Variants in ZNF475 observed in about 807,000 individuals in gnomAD.
ZNF475 encodes the protein zinc finger protein 475.
chr5:122,164,271 G>A, the ZNF475 span, among the ~76,000 whole-genome samples: 1 of 152,208 alleles, frequency 6.6e-6, no homozygotes, highest in South Asian at 2.1e-4. Flanking sequence ...GCAACAGGGA[G>A]TGGTAGAGCT....
the ZNF475 span, among the ~76,000 whole-genome samples, chr5:122,171,128 T>C: frequency 6.6e-6 from 1 of 151,968 alleles, no homozygotes; most frequent in African/African-American, 2.4e-5. Flanking sequence ...TTAAACTATA[T>C]TATATATATA....
the ZNF475 span, among the ~76,000 whole-genome samples, chr5:122,182,135 G>A: frequency 6.6e-6 from 1 of 152,168 alleles, no homozygotes; most frequent in Admixed American, 6.5e-5. Context: ...AGTTATATTT[G>A]CAAAATAATA....
the ZNF475 span, among the ~76,000 whole-genome samples, chr5:122,166,795 A>G: frequency 6.6e-6 from 1 of 152,190 alleles, no homozygotes; most frequent in Non-Finnish European, 1.5e-5. Flanking sequence ...GCTGCAATAA[A>G]CATACGTGTG....
At chr5:122,168,161 C>A in the ZNF475 span, among the ~76,000 whole-genome samples, 90 of 152,348 alleles carry the variant, frequency 5.9e-4, 1 homozygote, top group Non-Finnish European at 1.2e-3. Context: ...TCTCCCGCCT[C>A]AGCCTCCCTA....
chr5:122,180,227 G>T, the ZNF475 span, among the ~76,000 whole-genome samples: 1 of 152,204 alleles, frequency 6.6e-6, no homozygotes, highest in Non-Finnish European at 1.5e-5. Flanking sequence ...GTCCATGTGT[G>T]CACCAAAGGG....
chr5:122,172,553 G>C, the ZNF475 span, among the ~76,000 whole-genome samples: 1 of 152,090 alleles, frequency 6.6e-6, no homozygotes, highest in Admixed American at 6.6e-5. Flanking sequence ...ATTTTTCTGG[G>C]GAGATCACTG....
At chr5:122,182,435 G>GA in the ZNF475 span, 280 of 1,357,890 alleles carry the variant, frequency 2.1e-4, no homozygotes, top group Non-Finnish European at 2.6e-4. Flanking sequence ...TTTCCCTTTT[G>GA]TTTTTGGTAT....
At chr5:122,179,478 C>T in the ZNF475 span, 1 of 662,396 alleles carries the variant, frequency 1.5e-6, no homozygotes, top group Admixed American at 3.2e-5. Flanking sequence ...AGTTGTATTC[C>T]TAGGTATTTT....
the ZNF475 span, among the ~76,000 whole-genome samples, chr5:122,168,055 G>GT: frequency 6.6e-6 from 1 of 151,988 alleles, no homozygotes; most frequent in Non-Finnish European, 1.5e-5. Flanking sequence ...TTTGTTCTTT[G>GT]TTTTTTTGAG....
the ZNF475 span, among the ~76,000 whole-genome samples, chr5:122,169,936 G>A: frequency 6.6e-6 from 1 of 152,248 alleles, no homozygotes; most frequent in South Asian, 2.1e-4. Flanking sequence ...TTATCTTATG[G>A]TGGAAATGAA....
chr5:122,170,536 TA>T, the ZNF475 span, among the ~76,000 whole-genome samples: 3 of 152,186 alleles, frequency 2.0e-5, no homozygotes, highest in Admixed American at 6.5e-5. Flanking sequence ...AGTACGGGGT[TA>T]GGGGTGGTGT....
At chr5:122,175,952 T>A in the ZNF475 span, among the ~76,000 whole-genome samples, 1 of 152,124 alleles carries the variant, frequency 6.6e-6, no homozygotes, top group Non-Finnish European at 1.5e-5. Flanking sequence ...AATTTTTAAC[T>A]CCTAACAATT....
At chr5:122,171,257 C>A in the ZNF475 span, among the ~76,000 whole-genome samples, 1 of 152,062 alleles carries the variant, frequency 6.6e-6, no homozygotes, top group African/African-American at 2.4e-5. Flanking sequence ...GACTCCAGAG[C>A]TGATTTTTTT....
the ZNF475 span, among the ~76,000 whole-genome samples, chr5:122,161,534 A>G: frequency 6.6e-6 from 1 of 152,168 alleles, no homozygotes. Flanking sequence ...TTTTATAGGA[A>G]AATTCCTTTT....
chr5:122,175,077 T>A, the ZNF475 span, among the ~76,000 whole-genome samples: 4 of 152,228 alleles, frequency 2.6e-5, no homozygotes, highest in Non-Finnish European at 4.4e-5. Context: ...AGACAGTTTA[T>A]TGGCATAAGT....
chr5:122,165,440 GT>G, the ZNF475 span, among the ~76,000 whole-genome samples: 1 of 152,164 alleles, frequency 6.6e-6, no homozygotes, highest in Non-Finnish European at 1.5e-5. Flanking sequence ...GGTAAGGATT[GT>G]CATGTCTATC....
the ZNF475 span, among the ~76,000 whole-genome samples, chr5:122,171,701 C>A: frequency 1.3e-5 from 2 of 152,030 alleles, no homozygotes; most frequent in South Asian, 4.2e-4. Context: ...GCTCCTTCCC[C>A]TGCCAATTTT....
the ZNF475 span, among the ~76,000 whole-genome samples, chr5:122,178,497 GT>G: frequency 6.6e-6 from 1 of 152,242 alleles, no homozygotes; most frequent in Admixed American, 6.5e-5. Context: ...GTGATGATGA[GT>G]TTTTTCATAT....
chr5:122,160,335 C>T, the ZNF475 span: 1 of 1,176,692 alleles, frequency 8.5e-7, no homozygotes, highest in Middle Eastern at 2.2e-4. Flanking sequence ...ATATGTATTA[C>T]ATGTGTGGAA....
Sources: allele counts gnomAD v4.1 joint callset (sites outside exome capture counted in the v4.1 genomes callset), GRCh38; gene constraint gnomAD v4.1.1; transcripts MANE v1.5; gene names NCBI Gene and HGNC (gene_info 2026-07-23, HGNC 2026-07-21).